VIT: variants seen among roughly 807,000 people sequenced by gnomAD.
The protein encoded by VIT is vitrin.
In VIT, 99 loss-of-function variants were observed where a neutral mutation model predicts 78.0. The ratio of observed to expected loss-of-function variants is 1.27; its 90% CI spans 1.08 to 1.50. The LOEUF is 1.50. VIT is among the 40% of genes most tolerant of loss of function. VIT has a pLI of 0.00. For missense variants in VIT, 1,126 were observed against 875.3 expected, an observed-to-expected ratio of 1.29 and a Z score of -3.61; for synonymous variants, 374 against 334.3, an observed-to-expected ratio of 1.12 and a Z score of -1.29.
In VIT at chr2:36,807,883, G is replaced by C. The variant is rs552098446; in HGVS notation, c.1390-589G>C. ...CCCTCATAGCTTAGTTTGTTCCTTT[G>C]TGGCAGGGGGTTATGATTCCACCTT... On this transcript the variant is annotated intron_variant, in intron 14 of 15. Transcript: ENST00000379242. 2.0e-5 allele frequency among the ~76,000 whole-genome samples: 3 copies of C among 152,314 alleles called. No homozygotes were observed. In the South Asian group the frequency reaches 6.2e-4, roughly 32 times the overall value.
intron 15 of VIT, 151 bp downstream of exon 15, chr2:36,809,136 A>G: frequency 9.1e-7 from 1 of 1,099,452 alleles, no homozygotes. Flanking sequence ...CATTAGGGGT[A>G]GAAACACTGC....
intron 12 of VIT, among the ~76,000 whole-genome samples, chr2:36,795,979 C>G (rs4670170): frequency 0.53 from 80,103 of 151,706 alleles, 24,579 homozygotes; most frequent in East Asian, 0.8. Context: ...TTGGTGCATT[C>G]AGAAAAAGAA....
At chr2:36,740,276 T>C (rs913146269) in intron 3 of VIT, among the ~76,000 whole-genome samples, 2 of 152,188 alleles carry the variant, frequency 1.3e-5, no homozygotes, top group Non-Finnish European at 2.9e-5. Flanking sequence ...ATCTGGGCCT[T>C]AAGTGGAGCG....
At chr2:36,733,343 T>TCCC (rs201443741) in intron 3 of VIT, among the ~76,000 whole-genome samples, 1 of 151,534 alleles carries the variant, frequency 6.6e-6, no homozygotes, top group African/African-American at 2.4e-5. Context: ...TCTCTCTCTC[T>TCCC]CCCCCCCTCT....
At chr2:36,737,205 A>G (rs770230373) in intron 3 of VIT, among the ~76,000 whole-genome samples, 21 of 152,212 alleles carry the variant, frequency 1.4e-4, no homozygotes, top group Non-Finnish European at 2.5e-4. Context: ...AGGGCTTTCT[A>G]GGTGGACTAA....
At chr2:36,759,491 C>T (rs1202207168) in intron 6 of VIT, 3 of 1,183,084 alleles carry the variant, frequency 2.5e-6, no homozygotes, top group Non-Finnish European at 3.2e-6. Flanking sequence ...GCCAAAAATA[C>T]ACTGTCTACA....
chr2:36,727,393 C>T (rs938868788), intron 2 of VIT, among the ~76,000 whole-genome samples: 10 of 152,194 alleles, frequency 6.6e-5, no homozygotes, highest in Admixed American at 2.0e-4. Flanking sequence ...TGGAGATTGG[C>T]CATCTGGAAA....
intron 14 of VIT, among the ~76,000 whole-genome samples, chr2:36,807,918 A>G (rs12622304): frequency 0.05 from 7,679 of 152,190 alleles, 450 homozygotes; most frequent in East Asian, 0.17. Context: ...TGTAGGGTGA[A>G]GGTGGGGATT....
rs374237171 is a variant in VIT, at chr2:36,764,680, C to A, written c.488-2414C>A. On this transcript the variant is annotated intron_variant, in intron 6 of 15. Transcript: ENST00000379242. ...AGCAGACCGAATGGCTGAATTCCAA[C>A]CCGATTCCAGGAATACTGTTTGCTG... Among the ~76,000 whole-genome samples, 29 of 152,298 alleles carry A rather than the reference C, an allele frequency of 1.9e-4. 1 individual carries two copies. In the South Asian group the frequency reaches 5.0e-3, roughly 26 times the overall value.
chr2:36,803,718 C>A (rs1417263224), intron 13 of VIT, among the ~76,000 whole-genome samples: 1 of 152,138 alleles, frequency 6.6e-6, no homozygotes, highest in African/African-American at 2.4e-5. Context: ...AAGATAATAC[C>A]AGCTAGTGGA....
chr2:36,793,795 C>T (rs1051753765), intron 12 of VIT, among the ~76,000 whole-genome samples: 3 of 152,164 alleles, frequency 2.0e-5, no homozygotes. Context: ...ATTTGAGAGG[C>T]TCATTCTGTG....
chr2:36,772,620 T>C (rs895353828), intron 7 of VIT, among the ~76,000 whole-genome samples: 2 of 152,154 alleles, frequency 1.3e-5, no homozygotes, highest in Non-Finnish European at 2.9e-5. Context: ...GGCAGGAGGA[T>C]CACTTGAGCC....
chr2:36,725,307 C>T (rs1339291476), intron 2 of VIT, among the ~76,000 whole-genome samples: 3 of 152,166 alleles, frequency 2.0e-5, no homozygotes, highest in South Asian at 2.1e-4. Context: ...GACTGAGTGG[C>T]TTAGAAAAAC....
chr2:36,738,969 AG>A (rs1287474075), intron 3 of VIT, among the ~76,000 whole-genome samples: 1 of 152,224 alleles, frequency 6.6e-6, no homozygotes, highest in Non-Finnish European at 1.5e-5. Context: ...GAAGAATTAA[AG>A]TGACCTAGAT....
intron 9 of VIT, among the ~76,000 whole-genome samples, chr2:36,779,473 G>A (rs1664585448): frequency 6.6e-6 from 1 of 152,164 alleles, no homozygotes; most frequent in African/African-American, 2.4e-5. Flanking sequence ...TTTCCAACTT[G>A]TATTCTAAGC....
In VIT at chr2:36,743,256, G is replaced by A; in HGVS notation, c.275G>A (p.Ser92Asn). The A allele has an allele frequency of 1.9e-6, 3 of 1,612,510 alleles. No homozygotes were observed. The highest frequency in any genetic ancestry group is 2.2e-5 in the East Asian group (1 of 44,856). ...AGTGTGTGTGGCGCTGCCGTACACAGGTGAGTGGTTCTGAGCTACTTAATA... is the reference window on the plus strand; with the variant it reads ...AGTGTGTGTGGCGCTGCCGTACACAAGTGAGTGGTTCTGAGCTACTTAATA... ...YSSVCGAAVH[S>N]GVLDNSGGKI... is the part of the protein sequence containing the mutation. Residue 92 changes from serine (S) to asparagine (N), a missense_variant and splice_region_variant, in exon 4 of 16, where the codon AGT becomes AAT. Transcript: ENST00000379242.
At chr2:36,718,385 G>A (rs140395865) in intron 2 of VIT, among the ~76,000 whole-genome samples, 2 of 152,180 alleles carry the variant, frequency 1.3e-5, no homozygotes, top group African/African-American at 2.4e-5. Context: ...AGGAGGATAT[G>A]GGTTCTAGTC....
rs1247431013 is a variant in VIT at position 36,787,225 on chromosome 2, A to C, written c.1007A>C (p.Gln336Pro). 1.9e-6 allele frequency: 3 copies of C among 1,614,166 alleles called. No individual in the cohort carries two copies. Among genetic ancestry groups the C allele is most frequent in the Non-Finnish European group, 2.5e-6 (3 of 1,180,022 alleles). ...IQKQLLADVAQALDIGPAGPL... is the reference protein window; with the variant it reads ...IQKQLLADVAPALDIGPAGPL... ...AAGCAGCTCCTGGCTGATGTTGCCC[A>C]AGCTCTTGACATTGGCCCTGCCGGT... is the stretch of plus-strand genomic sequence containing the variant. The change falls in exon 12 of 16, where the codon CAA becomes CCA. Residue 336 changes from glutamine to proline, a missense_variant. Physicochemically the swap from Gln to Pro is moderately conservative, Grantham distance 76 (BLOSUM62 -1). Transcript: ENST00000379242.
chr2:36,768,719 C>T (rs1474802436), intron 7 of VIT, among the ~76,000 whole-genome samples: 1 of 152,130 alleles, frequency 6.6e-6, no homozygotes, highest in South Asian at 2.1e-4. Context: ...AAATGAACAC[C>T]CCAGGCCCAG....
Sources: allele counts gnomAD v4.1 joint callset (sites outside exome capture counted in the v4.1 genomes callset), GRCh38; gene constraint gnomAD v4.1.1; transcripts MANE v1.5; gene names NCBI Gene and HGNC (gene_info 2026-07-23, HGNC 2026-07-21).